OSTM1: variants seen among roughly 807,000 people sequenced by gnomAD.
The protein encoded by OSTM1 is osteoclastogenesis associated transmembrane protein 1, also known as osteopetrosis-associated transmembrane protein 1.
A neutral mutation model predicts 35.4 loss-of-function variants in OSTM1; 26 were observed. That is an observed-to-expected ratio of 0.73 (90% CI 0.54 to 1.02). The LOEUF is 1.02. OSTM1 is among the 50% of genes least tolerant of loss of function. OSTM1 has a pLI of 0.00. For missense variants in OSTM1, 366 were observed against 409.6 expected (o/e 0.89, Z 0.92); for synonymous variants, 181 against 165.0 (o/e 1.10, Z -0.75).
chr6:108,067,828 T>TAAAAAAAAA (rs60932026), intron 1 of OSTM1, among the ~76,000 whole-genome samples: 1 of 77,804 alleles, frequency 1.3e-5, no homozygotes, highest in African/African-American at 4.6e-5. Flanking sequence ...AGCCTCTGTC[T>TAAAAAAAAA]AAAAAAAAAA....
At chr6:108,049,662 G>A (rs1190228049) in intron 4 of OSTM1, 2 of 701,502 alleles carry the variant, frequency 2.9e-6, no homozygotes, top group Non-Finnish European at 4.1e-6. Context: ...ACTGACCAAA[G>A]TATTCTAGAA....
intron 2 of OSTM1, among the ~76,000 whole-genome samples, chr6:108,062,305 C>T (rs1376455519): frequency 6.6e-6 from 1 of 152,058 alleles, no homozygotes. Context: ...ATATGCTGCA[C>T]AAATGGATGA....
chr6:108,058,791 T>C lies in OSTM1; in HGVS notation c.518-4204A>G, dbSNP rs116366970. ...AGACTCCGTCTTAAAAAAAAAAAAA[T>C]GTTTTGGTTAATTGACCTTCTGGTT... On this transcript the variant is annotated intron_variant, in intron 2 of 5. Transcript: ENST00000193322. Among the ~76,000 whole-genome samples the C allele has an allele frequency of 8.3e-3, 1,261 of 151,652 alleles. 15 individuals carry two copies. Among genetic ancestry groups the C allele is most frequent in the African/African-American group, 0.029 (1,193 of 41,278 alleles).
intron 1 of OSTM1, among the ~76,000 whole-genome samples, chr6:108,069,376 T>A (rs1278771436): frequency 1.3e-5 from 2 of 152,152 alleles, no homozygotes; most frequent in African/African-American, 2.4e-5. Flanking sequence ...CTCCCTATAG[T>A]CCTCAGAATT....
intron 3 of OSTM1, 100 bp from the exon 4 acceptor site, chr6:108,051,298 G>T: frequency 1.1e-6 from 1 of 891,678 alleles, no homozygotes; most frequent in Non-Finnish European, 1.8e-6. Flanking sequence ...GAAACAATAT[G>T]GTGTGTTAAA....
At chr6:108,061,705 C>A (rs1440392396) in intron 2 of OSTM1, among the ~76,000 whole-genome samples, 1 of 150,788 alleles carries the variant, frequency 6.6e-6, no homozygotes, top group Non-Finnish European at 1.5e-5. Context: ...TTTTTCTTTT[C>A]TTTTCTTTTC....
chr6:108,065,250 T>C (rs944258492), intron 1 of OSTM1, among the ~76,000 whole-genome samples: 1 of 151,422 alleles, frequency 6.6e-6, no homozygotes, highest in African/African-American at 2.4e-5. Context: ...TTTTTTTTTT[T>C]TTTTTTTGAG....
In OSTM1 at chr6:108,074,444, GC is replaced by G; in HGVS notation, c.207del (p.Pro70LeufsTer29). ...SLSLLQGGGL[G>X]PLSLPPDLPD... The stretch of plus-strand genomic sequence containing the variant: ...GGCAGGTCCGGGGGCAGCGACAGAG[GC>G]CCCAGCCCTCCACCCTGCAGGAGGG... On this transcript the variant is annotated frameshift_variant, in exon 1 of 6. Transcript: ENST00000193322. LOFTEE classifies it high-confidence loss of function. 1 of 1,558,228 alleles carries G rather than the reference GC, an allele frequency of 6.4e-7. No homozygotes were observed. The highest frequency in any genetic ancestry group is 1.2e-5 in the South Asian group (1 of 85,060).
chr6:108,044,930 T>G, intron 5 of OSTM1, 90 bp from the exon 6 acceptor site: 1 of 629,710 alleles, frequency 1.6e-6, no homozygotes, highest in Non-Finnish European at 2.6e-6. Context: ...AGTATTTATC[T>G]ATTAATTCTA....
At chr6:108,070,503 C>G (rs180783866) in intron 1 of OSTM1, among the ~76,000 whole-genome samples, 5 of 152,320 alleles carry the variant, frequency 3.3e-5, no homozygotes. Context: ...TCTTTTCCTT[C>G]TTATCCTTTT....
intron 1 of OSTM1, among the ~76,000 whole-genome samples, chr6:108,066,603 A>G (rs937055772): frequency 1.3e-5 from 2 of 152,338 alleles, no homozygotes; most frequent in East Asian, 1.9e-4. Context: ...TGACACTAAC[A>G]AGAATGAATT....
chr6:108,050,992 A>G, intron 4 of OSTM1, 39 bp downstream of exon 4: 1 of 1,493,408 alleles, frequency 6.7e-7, no homozygotes, highest in Non-Finnish European at 9.3e-7. Context: ...ATTCAATAAC[A>G]CTCTAAAATA....
At chr6:108,063,100 A>C (rs1772311538) in intron 2 of OSTM1, among the ~76,000 whole-genome samples, 1 of 151,348 alleles carries the variant, frequency 6.6e-6, no homozygotes, top group Non-Finnish European at 1.5e-5. Context: ...GCATCCTTGA[A>C]TTCCTGGGCT....
intron 2 of OSTM1, among the ~76,000 whole-genome samples, chr6:108,060,243 C>T (rs1302244810): frequency 4.6e-5 from 7 of 152,012 alleles, no homozygotes; most frequent in Non-Finnish European, 8.8e-5. Context: ...TTATTTGGTC[C>T]TCAGAAGTTC....
chr6:108,044,680 C>T lies in OSTM1; in HGVS notation c.*105G>A. On this transcript the variant is annotated 3_prime_UTR_variant, in exon 6 of 6. Transcript: ENST00000193322. ...AAATGGATCTGAAGTCCTTGTATTT[C>T]TTAAGAGCTTGACTTGTCAAATCAC... is the stretch of plus-strand genomic sequence containing the variant. 1 of 678,486 alleles carries T rather than the reference C, an allele frequency of 1.5e-6. No individual in the cohort carries two copies. Among genetic ancestry groups the T allele is most frequent in the Admixed American group, 2.1e-5 (1 of 47,842 alleles). 42.0% of individuals were successfully genotyped at this position (678,486 alleles called of 1,614,324 possible).
intron 5 of OSTM1, 118 bp from the exon 6 acceptor site, chr6:108,044,958 T>C: frequency 2.0e-6 from 1 of 497,438 alleles, no homozygotes; most frequent in Non-Finnish European, 3.4e-6. Context: ...ATCCTAACAG[T>C]TCCAGCCTTA....
Position 108,049,686 on chromosome 6 carries a change from T to C in OSTM1, c.784-268A>G, listed in dbSNP as rs777572450. 2.5e-4 allele frequency: 122 copies of C among 481,140 alleles called. 1 individual carries two copies. In the Admixed American group the frequency reaches 3.7e-3, roughly 15 times the overall value. 29.8% of individuals were successfully genotyped at this position (481,140 alleles called of 1,614,324 possible). A position where few individuals can be genotyped will look rare whatever the true frequency, so the allele number is the denominator to read the frequency against. ...AGTATTCTAGAATGTCAACCATTTGTACATTCAAACAAAGAACTTATATGA... is the reference window on the plus strand; with the variant it reads ...AGTATTCTAGAATGTCAACCATTTGCACATTCAAACAAAGAACTTATATGA... On this transcript the variant is annotated intron_variant, in intron 4 of 5. Coordinates refer to ENST00000193322, the MANE Select transcript of OSTM1 (RefSeq NM_014028.4).
At chr6:108,045,336 T>C (rs1181545408) in intron 5 of OSTM1, among the ~76,000 whole-genome samples, 1 of 152,052 alleles carries the variant, frequency 6.6e-6, no homozygotes, top group Non-Finnish European at 1.5e-5. Context: ...AGATCTGGAA[T>C]AAGACGAAAA....
At chr6:108,051,942 CT>C (rs1772080898) in intron 3 of OSTM1, among the ~76,000 whole-genome samples, 1 of 152,090 alleles carries the variant, frequency 6.6e-6, no homozygotes, top group African/African-American at 2.4e-5. Flanking sequence ...TTATTCTTTA[CT>C]TTGTAGTATG....
Sources: allele counts gnomAD v4.1 joint callset (sites outside exome capture counted in the v4.1 genomes callset), GRCh38; gene constraint gnomAD v4.1.1; transcripts MANE v1.5; gene names NCBI Gene and HGNC (gene_info 2026-07-23, HGNC 2026-07-21).